Variants in TTC39B observed in about 807,000 individuals in gnomAD.
TTC39B encodes the protein tetratricopeptide repeat protein 39B.
In TTC39B, 92 loss-of-function variants were observed where a neutral mutation model predicts 96.6. That is an observed-to-expected ratio of 0.95 (90% CI 0.80 to 1.13). The LOEUF (loss-of-function observed/expected upper bound fraction) is 1.13. Ranked by LOEUF, TTC39B falls within the 50% of genes most tolerant of loss-of-function variation. The probability of loss-of-function intolerance (pLI) is 0.00; values close to 1 mark genes in which losing one functional copy is unlikely to be tolerated. For synonymous variants in TTC39B, 367 were observed against 299.4 expected, an observed-to-expected ratio of 1.23 and a Z score of -2.33; for missense variants, 955 against 809.3, an observed-to-expected ratio of 1.18 and a Z score of -2.18.
chr9:15,224,274 T>G (rs1821002825), intron 3 of TTC39B: 1 of 152,464 alleles, frequency 6.6e-6, no homozygotes, highest in Non-Finnish European at 1.5e-5. Flanking sequence ...AAGGATACTT[T>G]TCCACCTGTA....
chr9:15,274,614 A>C (rs953405820), intron 1 of TTC39B, among the ~76,000 whole-genome samples: 30 of 152,198 alleles, frequency 2.0e-4, no homozygotes, highest in Non-Finnish European at 3.4e-4. Flanking sequence ...AGGGGCCCAC[A>C]CATTAGACAC....
intron 1 of TTC39B, among the ~76,000 whole-genome samples, chr9:15,294,456 G>T (rs115811985): frequency 0.021 from 3,195 of 152,296 alleles, 122 homozygotes; most frequent in African/African-American, 0.072. Context: ...GAAAACAAAG[G>T]TTACAACACC....
chr9:15,267,934 A>G, exon 2 of TTC39B: 2 of 1,610,936 alleles, frequency 1.2e-6, no homozygotes, highest in Non-Finnish European at 1.7e-6. Flanking sequence ...TTTCCAAGGC[A>G]TCTTCGAAAA....
intron 17 of TTC39B, among the ~76,000 whole-genome samples, chr9:15,181,558 C>T (rs1818250596): frequency 6.6e-6 from 1 of 152,196 alleles, no homozygotes. Flanking sequence ...GATTCTGATA[C>T]TCCTTTTACC....
At chr9:15,192,846 C>G (rs955135780) in intron 8 of TTC39B, 151 bp from the exon 9 acceptor site, 1 of 585,406 alleles carries the variant, frequency 1.7e-6, no homozygotes, top group Non-Finnish European at 3.0e-6. Context: ...TGAGTTTACT[C>G]TTAAGGATAC....
chr9:15,233,351 T>C (rs761083339), intron 2 of TTC39B, among the ~76,000 whole-genome samples: 1 of 151,788 alleles, frequency 6.6e-6, no homozygotes. Flanking sequence ...CCTCTCCCTC[T>C]CTCTCCCCAC....
intron 6 of TTC39B, among the ~76,000 whole-genome samples, chr9:15,209,089 G>A (rs953864232): frequency 1.3e-5 from 2 of 152,222 alleles, no homozygotes; most frequent in African/African-American, 4.8e-5. Context: ...GAACATGTTT[G>A]ACAATGGCAA....
chr9:15,202,496 G>C (rs1394441670), intron 7 of TTC39B, among the ~76,000 whole-genome samples: 2 of 152,152 alleles, frequency 1.3e-5, no homozygotes, highest in Non-Finnish European at 2.9e-5. Flanking sequence ...TGGAACACCT[G>C]AGGTCAGGAG....
intron 2 of TTC39B, among the ~76,000 whole-genome samples, chr9:15,228,764 A>G (rs1821269005): frequency 6.6e-6 from 1 of 152,226 alleles, no homozygotes; most frequent in African/African-American, 2.4e-5. Flanking sequence ...CAAACTAGTT[A>G]AAATATTACT....
At chr9:15,214,077 C>T in intron 4 of TTC39B, 62 bp downstream of exon 4, 1 of 1,263,658 alleles carries the variant, frequency 7.9e-7, no homozygotes, top group South Asian at 1.3e-5. Context: ...ACAAGCATGA[C>T]ATCAAAGAAT....
chr9:15,294,843 G>C (rs1824313563), intron 1 of TTC39B, among the ~76,000 whole-genome samples: 2 of 152,092 alleles, frequency 1.3e-5, no homozygotes, highest in African/African-American at 4.8e-5. Context: ...CCAACTTCTG[G>C]GCCCCCCACG....
intron 1 of TTC39B, among the ~76,000 whole-genome samples, chr9:15,292,791 T>G (rs1261548104): frequency 6.6e-6 from 1 of 152,250 alleles, no homozygotes; most frequent in Admixed American, 6.5e-5. Flanking sequence ...GAAAATATTT[T>G]GTATAGCTGT....
At position 15,210,072 on chromosome 9, in the gene TTC39B, T is replaced by G; in HGVS notation, c.691+16A>C. 6.4e-7 allele frequency: 1 copy of G among 1,571,566 alleles called. No individual in the cohort carries two copies. The highest frequency in any genetic ancestry group is 8.7e-7 in the Non-Finnish European group (1 of 1,154,278). ...TTAAAATCAAGGAAAAAAGTGATCT[T>G]TTAAATGACTTTTACCTTCACTCAG... On this transcript the variant is annotated intron_variant, in intron 6 of 19. Coordinates refer to ENST00000512701, the Ensembl canonical transcript of TTC39B.
At chr9:15,251,666 C>A (rs1182429871) in intron 2 of TTC39B, among the ~76,000 whole-genome samples, 4 of 97,512 alleles carry the variant, frequency 4.1e-5, no homozygotes, top group Admixed American at 2.6e-4. Context: ...TATATACGCG[C>A]ATACACACAC....
chr9:15,220,947 G>C (rs1216346838), intron 3 of TTC39B, among the ~76,000 whole-genome samples: 3 of 152,168 alleles, frequency 2.0e-5, no homozygotes, highest in Non-Finnish European at 4.4e-5. Context: ...TTAGTACTTG[G>C]ACAAGAGACA....
At chr9:15,222,043 G>A (rs925827763) in intron 3 of TTC39B, among the ~76,000 whole-genome samples, 1 of 152,202 alleles carries the variant, frequency 6.6e-6, no homozygotes, top group Non-Finnish European at 1.5e-5. Flanking sequence ...AAAGAGTAAC[G>A]TAAGTACAGT....
chr9:15,182,007 G>T (rs545453008), intron 17 of TTC39B, among the ~76,000 whole-genome samples: 1 of 152,126 alleles, frequency 6.6e-6, no homozygotes, highest in East Asian at 1.9e-4. Context: ...CCACTCATCT[G>T]CTGTCTGTCT....
intron 17 of TTC39B, among the ~76,000 whole-genome samples, chr9:15,181,235 C>T (rs200923517): frequency 1.3e-5 from 2 of 152,134 alleles, no homozygotes; most frequent in East Asian, 3.9e-4. Flanking sequence ...GTTTCCCCAC[C>T]ATTCCTGAAT....
At chr9:15,186,151 T>G (rs1818511487) in intron 15 of TTC39B, among the ~76,000 whole-genome samples, 1 of 152,140 alleles carries the variant, frequency 6.6e-6, no homozygotes. Flanking sequence ...CTCAATTACA[T>G]CACTGAAAGA....
Sources: allele counts gnomAD v4.1 joint callset (sites outside exome capture counted in the v4.1 genomes callset), GRCh38; gene constraint gnomAD v4.1.1; transcripts MANE v1.5; gene names NCBI Gene and HGNC (gene_info 2026-07-23, HGNC 2026-07-21).